PUS7: variants seen among roughly 807,000 people sequenced by gnomAD.
PUS7 encodes pseudouridine synthase 7.
PUS7 carries 48 observed loss-of-function variants against 79.8 expected under a neutral mutation model. The observed-to-expected ratio is 0.60, with a 90% CI of 0.48 to 0.76. The LOEUF is 0.76. Ranked by LOEUF, PUS7 falls within the 30% of genes least tolerant of loss-of-function variation. The pLI, the probability that PUS7 is intolerant of heterozygous loss-of-function variation, is 0.00. For missense variants in PUS7, 729 were observed against 797.6 expected (o/e 0.91, Z 1.04); for synonymous variants, 286 against 272.2 (o/e 1.05, Z -0.50).
chr7:105,466,222 G>T (rs1180159366), intron 12 of PUS7, among the ~76,000 whole-genome samples: 1 of 151,762 alleles, frequency 6.6e-6, no homozygotes, highest in Non-Finnish European at 1.5e-5. Flanking sequence ...CTCTACCCAA[G>T]AAATAAAAAT....
chr7:105,489,147 C>CAAAAAAAAAAAAAAAAAA (rs762504334), intron 7 of PUS7, among the ~76,000 whole-genome samples: 2 of 33,686 alleles, frequency 5.9e-5, no homozygotes, highest in Admixed American at 3.6e-4. Context: ...AACTCCATCT[C>CAAAAAAAAAAAAAAAAAA]AAAAAAAAAA....
intron 5 of PUS7, among the ~76,000 whole-genome samples, chr7:105,498,555 GCA>G (rs1408886301): frequency 1.3e-5 from 2 of 152,164 alleles, no homozygotes; most frequent in Non-Finnish European, 2.9e-5. Context: ...GATTTATTGA[GCA>G]CAGACATCTC....
At chr7:105,515,954 C>T (rs912763956) in intron 1 of PUS7, among the ~76,000 whole-genome samples, 6 of 151,972 alleles carry the variant, frequency 3.9e-5, no homozygotes, top group Non-Finnish European at 5.9e-5. Flanking sequence ...GGATTACAGG[C>T]GCGTGCCACC....
intron 5 of PUS7, chr7:105,496,845 G>T (rs962981415): frequency 8.9e-6 from 5 of 559,328 alleles, no homozygotes; most frequent in African/African-American, 6.1e-5. Context: ...TATCATTTTC[G>T]GTTTTCCTTC....
rs1262465169 is a variant in PUS7, at chr7:105,505,968, C to G, written c.572G>C (p.Ser191Thr). The G allele has an allele frequency of 1.9e-6, 3 of 1,610,874 alleles. No individual in the cohort carries two copies. Among genetic ancestry groups the G allele is most frequent in the African/African-American group, 1.3e-5 (1 of 74,702 alleles). The change falls in exon 4 of 16, where the codon AGT (serine) becomes ACT (threonine). Residue 191 changes from serine to threonine, a missense_variant. Ser to Thr is a moderately conservative substitution (Grantham distance 58). Transcript: ENST00000469408. ...ELQLFKNKETSVAIEVIEDTK... is the reference protein window; with the variant it reads ...ELQLFKNKETTVAIEVIEDTK... ...TGCATTAGTTACCTCAATGGCAACA[C>G]TGGTTTCCTTATTTTTGAACAGCTG...
intron 9 of PUS7, among the ~76,000 whole-genome samples, chr7:105,476,833 C>T (rs1000142579): frequency 1.3e-5 from 2 of 152,130 alleles, no homozygotes; most frequent in East Asian, 1.9e-4. Flanking sequence ...GTGGTGGTTT[C>T]GATTTGTATC....
intron 6 of PUS7, among the ~76,000 whole-genome samples, chr7:105,492,040 G>A (rs1824802804): frequency 8.2e-6 from 1 of 122,582 alleles, no homozygotes; most frequent in Non-Finnish European, 1.6e-5. Flanking sequence ...CTGGGCCACA[G>A]AGACTCCGTC....
intron 1 of PUS7, among the ~76,000 whole-genome samples, chr7:105,516,256 T>C (rs938542155): frequency 1.2e-4 from 19 of 152,178 alleles, no homozygotes; most frequent in African/African-American, 4.6e-4. Context: ...AAATTAATTA[T>C]TAAAGTATAT....
intron 1 of PUS7, among the ~76,000 whole-genome samples, chr7:105,511,932 T>C (rs1586179581): frequency 6.6e-6 from 1 of 151,194 alleles, no homozygotes. Flanking sequence ...GATCACAAGG[T>C]CAGGAGTTCG....
intron 14 of PUS7, among the ~76,000 whole-genome samples, chr7:105,460,184 C>T (rs1008994001): frequency 2.6e-5 from 4 of 152,064 alleles, no homozygotes; most frequent in East Asian, 1.9e-4. Context: ...GTGATCTGCC[C>T]GCCTCGGCCT....
At chr7:105,458,208 G>A (rs770060955) in intron 15 of PUS7, among the ~76,000 whole-genome samples, 10 of 151,870 alleles carry the variant, frequency 6.6e-5, no homozygotes, top group South Asian at 2.1e-4. Context: ...AATAAATTAC[G>A]GCCTGGGAAA....
intron 7 of PUS7, among the ~76,000 whole-genome samples, chr7:105,488,207 C>T (rs778164476): frequency 2.6e-5 from 4 of 152,190 alleles, no homozygotes; most frequent in Non-Finnish European, 5.9e-5. Context: ...AAGAAATATT[C>T]TTGGTCTTCA....
intron 4 of PUS7, 128 bp downstream of exon 4, chr7:105,505,827 C>T: frequency 1.3e-6 from 1 of 751,014 alleles, no homozygotes; most frequent in Non-Finnish European, 2.2e-6. Context: ...GTGTAATATC[C>T]TTTAGATCCA....
chr7:105,479,487 T>TA (rs1824231953), intron 9 of PUS7, among the ~76,000 whole-genome samples: 1 of 152,162 alleles, frequency 6.6e-6, no homozygotes, highest in East Asian at 1.9e-4. Context: ...TTCCAGCTTG[T>TA]AACTACCACA....
rs117703410 is a variant in PUS7 at position 105,512,267 on chromosome 7, T to C, written c.-32-3723A>G. ...AACTGTAGTTACATAAAAGTATCCC[T>C]AATTCAAAGAAAAAAGCATTTACTC... On this transcript the variant is annotated intron_variant, in intron 1 of 15. Transcript: ENST00000469408. Among the ~76,000 whole-genome samples the C allele has an allele frequency of 9.5e-3, 1,439 of 151,550 alleles. 9 individuals are homozygous for C. The highest frequency in any genetic ancestry group is 0.014 in the Non-Finnish European group (941 of 67,906).
At chr7:105,458,967 A>C (rs1300587270) in intron 15 of PUS7, among the ~76,000 whole-genome samples, 3 of 152,106 alleles carry the variant, frequency 2.0e-5, no homozygotes, top group African/African-American at 7.2e-5. Flanking sequence ...AACCATCTAT[A>C]ACATGCACTT....
At chr7:105,461,617 CT>C (rs1823429979) in intron 14 of PUS7, among the ~76,000 whole-genome samples, 1 of 152,204 alleles carries the variant, frequency 6.6e-6, no homozygotes, top group Non-Finnish European at 1.5e-5. Flanking sequence ...TTATGAAACA[CT>C]TAGATGCTAG....
chr7:105,515,786 TTTTATTTTATTTA>T (rs572191162), intron 1 of PUS7, among the ~76,000 whole-genome samples: 19,433 of 57,680 alleles, frequency 0.34, 1,678 homozygotes, highest in South Asian at 0.52. Flanking sequence ...TTGTATTTTA[TTTTATTTTATTTA>T]TTTATTTATT....
intron 4 of PUS7, 25 bp downstream of exon 4, chr7:105,505,930 T>G: frequency 6.4e-7 from 1 of 1,551,442 alleles, no homozygotes; most frequent in Non-Finnish European, 8.8e-7. Flanking sequence ...CTAAATAATT[T>G]TTCATATATT....
Sources: allele counts gnomAD v4.1 joint callset (sites outside exome capture counted in the v4.1 genomes callset), GRCh38; gene constraint gnomAD v4.1.1; transcripts MANE v1.5; gene names NCBI Gene and HGNC (gene_info 2026-07-23, HGNC 2026-07-21).